PKN2: variants seen among roughly 807,000 people sequenced by gnomAD.
PKN2 encodes the protein serine/threonine-protein kinase N2.
In PKN2, 38 loss-of-function variants were observed where a neutral mutation model predicts 119.1. The observed-to-expected ratio is 0.32, with a 90% CI of 0.25 to 0.42. The LOEUF is 0.42. Ranked by LOEUF, PKN2 falls within the 10% of genes least tolerant of loss-of-function variation. The pLI is 1.00. For synonymous variants in PKN2, 390 were observed against 384.9 expected (o/e 1.01, Z -0.15); for missense variants, 850 against 1,165.1 (o/e 0.73, Z 3.94).
chr1:88,828,408 G>T, intron 18 of PKN2, 73 bp from the exon 19 acceptor site: 1 of 1,368,412 alleles, frequency 7.3e-7, no homozygotes, highest in Non-Finnish European at 1.0e-6. Context: ...GCCTCCCAAA[G>T]ATAGCTTTGA....
At chr1:88,809,427 A>G (rs1671690557) in intron 15 of PKN2, among the ~76,000 whole-genome samples, 1 of 152,214 alleles carries the variant, frequency 6.6e-6, no homozygotes, top group South Asian at 2.1e-4. Flanking sequence ...CTTAAATGGT[A>G]AATTCATTTA....
intron 8 of PKN2, among the ~76,000 whole-genome samples, chr1:88,794,367 CAAAA>C (rs61455908): frequency 4.3e-5 from 5 of 117,380 alleles, no homozygotes; most frequent in African/African-American, 6.1e-5. Flanking sequence ...AATTCTGTCT[CAAAA>C]AAAAAAAAAA....
At chr1:88,759,100 T>C (rs1048459087) in intron 2 of PKN2, among the ~76,000 whole-genome samples, 13 of 152,212 alleles carry the variant, frequency 8.5e-5, no homozygotes, top group Non-Finnish European at 1.5e-5. Flanking sequence ...TGCAGTGGCT[T>C]ACGCCTGTAA....
chr1:88,758,059 AAAAAG>A (rs1317117786), intron 2 of PKN2, among the ~76,000 whole-genome samples: 2 of 151,386 alleles, frequency 1.3e-5, no homozygotes, highest in Non-Finnish European at 2.9e-5. Context: ...AAAAAAAAAA[AAAAAG>A]AAGTGTTTCA....
intron 1 of PKN2, among the ~76,000 whole-genome samples, chr1:88,721,873 AGTGT>A (rs151220008): frequency 6.6e-6 from 1 of 151,450 alleles, no homozygotes; most frequent in African/African-American, 2.4e-5. Context: ...ACTCTATGTG[AGTGT>A]GTGTGTGTGT....
chr1:88,692,933 A>G (rs1666387595), intron 1 of PKN2, among the ~76,000 whole-genome samples: 1 of 152,246 alleles, frequency 6.6e-6, no homozygotes. Context: ...TAGAAAGGGT[A>G]AAGTTATATT....
chr1:88,684,503 C>T lies in PKN2; in HGVS notation c.-78C>T, dbSNP rs2100630947. 1 of 1,309,982 alleles carries T rather than the reference C, an allele frequency of 7.6e-7. No individual in the cohort carries two copies. The highest frequency in any genetic ancestry group is 1.1e-6 in the Non-Finnish European group (1 of 946,298). 81.1% of individuals were successfully genotyped at this position (1,309,982 alleles called of 1,614,324 possible). ...TTTCTTTCTCTCCCCTCTCCTCACCCCCACCCCGAGCCCCGTCCCGCCTTC... is the reference window on the plus strand; with the variant it reads ...TTTCTTTCTCTCCCCTCTCCTCACCTCCACCCCGAGCCCCGTCCCGCCTTC... On this transcript the variant is annotated 5_prime_UTR_variant, in exon 1 of 22. Coordinates refer to ENST00000370521, the MANE Select transcript of PKN2 (RefSeq NM_006256.4).
chr1:88,785,631 GATGT>G (rs1570627599), intron 7 of PKN2, among the ~76,000 whole-genome samples: 3 of 152,266 alleles, frequency 2.0e-5, no homozygotes. Flanking sequence ...ACTATATGTA[GATGT>G]ATAACTGGGG....
chr1:88,726,813 CTG>C (rs1667916558), intron 1 of PKN2, among the ~76,000 whole-genome samples: 1 of 151,818 alleles, frequency 6.6e-6, no homozygotes, highest in Admixed American at 6.6e-5. Flanking sequence ...GATTCATACT[CTG>C]TATGCTTATG....
At position 88,736,462 on chromosome 1, in the gene PKN2, C is replaced by G. The variant is rs185636789; in HGVS notation, c.49-4526C>G. 2.0e-5 allele frequency among the ~76,000 whole-genome samples: 3 copies of G among 152,134 alleles called. No homozygotes were observed. In the East Asian group the frequency reaches 5.8e-4, roughly 29 times the overall value. On this transcript the variant is annotated intron_variant, in intron 1 of 21. Coordinates refer to ENST00000370521, the MANE Select transcript of PKN2 (RefSeq NM_006256.4). ...CTCTGCAGCCTCTGCCTCTCAGGTT[C>G]AAGCAGTTCTCCAACCTTAGCCTCC...
intron 1 of PKN2, among the ~76,000 whole-genome samples, chr1:88,737,200 A>G (rs1668384766): frequency 6.6e-6 from 1 of 152,198 alleles, no homozygotes; most frequent in Admixed American, 6.5e-5. Context: ...CCATGGAACT[A>G]TAGCCTGCCT....
At chr1:88,747,758 T>A (rs373411420) in intron 2 of PKN2, among the ~76,000 whole-genome samples, 5 of 152,232 alleles carry the variant, frequency 3.3e-5, no homozygotes, top group African/African-American at 7.2e-5. Context: ...GTGAATATTT[T>A]CTTCAATATT....
At chr1:88,830,241 A>C (rs1672678300) in intron 19 of PKN2, among the ~76,000 whole-genome samples, 1 of 152,076 alleles carries the variant, frequency 6.6e-6, no homozygotes, top group South Asian at 2.1e-4. Flanking sequence ...CAGGATCTTC[A>C]ATTCATCCAG....
At chr1:88,752,140 A>G (rs780784527) in intron 2 of PKN2, among the ~76,000 whole-genome samples, 4 of 152,104 alleles carry the variant, frequency 2.6e-5, no homozygotes, top group African/African-American at 4.8e-5. Context: ...TTTTCCTTCT[A>G]CGTAGTTTTT....
At chr1:88,720,862 G>GTGAGAACATATGA (rs1553148510) in intron 1 of PKN2, among the ~76,000 whole-genome samples, 1 of 152,162 alleles carries the variant, frequency 6.6e-6, no homozygotes, top group Admixed American at 6.5e-5. Context: ...CCACTTATGA[G>GTGAGAACATATGA]TGAGAACATA....
At chr1:88,716,023 T>C (rs914020543) in intron 1 of PKN2, among the ~76,000 whole-genome samples, 3 of 152,232 alleles carry the variant, frequency 2.0e-5, no homozygotes, top group Non-Finnish European at 4.4e-5. Context: ...AATAACTTGT[T>C]TATTTCTACC....
intron 8 of PKN2, among the ~76,000 whole-genome samples, chr1:88,793,125 G>A (rs1670914384): frequency 6.6e-6 from 1 of 152,296 alleles, no homozygotes; most frequent in Non-Finnish European, 1.5e-5. Context: ...TTAATTTTAT[G>A]CAGTTATGAT....
intron 1 of PKN2, among the ~76,000 whole-genome samples, chr1:88,734,857 A>G (rs369323986): frequency 6.6e-6 from 1 of 152,204 alleles, no homozygotes; most frequent in Non-Finnish European, 1.5e-5. Context: ...GATTGTAAAG[A>G]TAGGAAAAGA....
At chr1:88,761,931 A>G (rs561469235) in intron 3 of PKN2, among the ~76,000 whole-genome samples, 2 of 152,212 alleles carry the variant, frequency 1.3e-5, no homozygotes, top group African/African-American at 4.8e-5. Flanking sequence ...TTTTTTAAGT[A>G]AATACTTTGT....
Sources: allele counts gnomAD v4.1 joint callset (sites outside exome capture counted in the v4.1 genomes callset), GRCh38; gene constraint gnomAD v4.1.1; transcripts MANE v1.5; gene names NCBI Gene and HGNC (gene_info 2026-07-23, HGNC 2026-07-21).